BICD1: variants seen among roughly 807,000 people sequenced by gnomAD.
BICD1 encodes the protein protein bicaudal D homolog 1.
BICD1 carries 35 observed loss-of-function variants against 92.5 expected under a neutral mutation model. That is an observed-to-expected ratio of 0.38 (90% CI 0.29 to 0.50). The LOEUF (loss-of-function observed/expected upper bound fraction) is 0.50, where lower values mean the gene tolerates loss of function less well. Among genes scored for constraint, BICD1 ranks in the 20% least tolerant of loss-of-function variants. The pLI is 0.93. For synonymous variants in BICD1, 429 were observed against 465.1 expected (o/e 0.92, Z 1.00); for missense variants, 950 against 1,189.8 (o/e 0.80, Z 2.97).
intron 4 of BICD1, among the ~76,000 whole-genome samples, chr12:32,321,097 G>A (rs1355485621): frequency 6.6e-6 from 1 of 152,126 alleles, no homozygotes; most frequent in African/African-American, 2.4e-5. Flanking sequence ...AGGCCAAGGT[G>A]GGCAGATCAC....
At chr12:32,157,196 T>A (rs1352446304) in intron 1 of BICD1, among the ~76,000 whole-genome samples, 1 of 151,158 alleles carries the variant, frequency 6.6e-6, no homozygotes, top group Non-Finnish European at 1.5e-5. Flanking sequence ...ATTACTCTTG[T>A]CTATTATAAT....
chr12:32,279,982 C>A (rs1296418646), intron 2 of BICD1, among the ~76,000 whole-genome samples: 1 of 152,152 alleles, frequency 6.6e-6, no homozygotes, highest in African/African-American at 2.4e-5. Context: ...CCTGTAATCC[C>A]AGCTACTTGG....
intron 1 of BICD1, among the ~76,000 whole-genome samples, chr12:32,179,320 C>G (rs377675492): frequency 6.6e-6 from 1 of 151,800 alleles, no homozygotes; most frequent in East Asian, 1.9e-4. Flanking sequence ...GAAATAATTC[C>G]AAGAATATAC....
At chr12:32,232,968 T>C (rs1227235292) in intron 2 of BICD1, among the ~76,000 whole-genome samples, 1 of 152,028 alleles carries the variant, frequency 6.6e-6, no homozygotes, top group East Asian at 1.9e-4. Flanking sequence ...CAGCGCCAAA[T>C]GGAAAATTAA....
At position 32,328,584 on chromosome 12, in the gene BICD1, C is replaced by G; in HGVS notation, c.2100+29C>G. The G allele has an allele frequency of 6.3e-7, 1 of 1,577,280 alleles. No individual in the cohort carries two copies. ...ATCTCATTCTACTGGTGAAAGCATG[C>G]CAGTCAAAGCTTTCTTAACTAATTT... On this transcript the variant is annotated intron_variant, in intron 5 of 9. Coordinates refer to ENST00000652176, the MANE Select transcript of BICD1 (RefSeq NM_001714.4). This position sits in a 1 kb window ranked among gnomAD's most constrained non-coding sequence, Gnocchi z 4.4.
At chr12:32,334,754 G>A (rs1938030816) in intron 6 of BICD1, 87 bp downstream of exon 6, 3 of 1,443,570 alleles carry the variant, frequency 2.1e-6, no homozygotes, top group East Asian at 2.3e-5. Flanking sequence ...CATGTTGAGT[G>A]TATTCGGTGA....
chr12:32,198,323 C>CATATATATATATGTATATATAT (rs765984931), intron 1 of BICD1, among the ~76,000 whole-genome samples: 2 of 87,920 alleles, frequency 2.3e-5, no homozygotes, highest in African/African-American at 8.0e-5. Context: ...GAATAATATG[C>CATATATATATATGTATATATAT]ATCTATCTAT....
intron 8 of BICD1, among the ~76,000 whole-genome samples, chr12:32,344,964 C>T (rs1350727921): frequency 1.3e-4 from 20 of 152,224 alleles, no homozygotes; most frequent in Admixed American, 9.8e-4. Context: ...TTCTTGATGT[C>T]AGAACATGTT....
At chr12:32,292,790 CTAAT>C (rs58989281) in intron 2 of BICD1, among the ~76,000 whole-genome samples, 2,380 of 152,220 alleles carry the variant, frequency 0.016, 39 homozygotes, top group African/African-American at 0.042. Flanking sequence ...GGAAACAAAT[CTAAT>C]TAATCCTTAA....
At position 32,258,837 on chromosome 12, in the gene BICD1, G is replaced by A. The variant is rs148151403; in HGVS notation, c.427-35157G>A. Among the ~76,000 whole-genome samples, 370 of 152,276 alleles carry A rather than the reference G, an allele frequency of 2.4e-3. 2 individuals are homozygous for A. Among genetic ancestry groups the A allele is most frequent in the African/African-American group, 7.9e-3 (328 of 41,558 alleles). ...AACTTCAAAGAGGAACCAGGAGTAC[G>A]GGAGGAACATGAAAGTGGACAAGGA... On this transcript the variant is annotated intron_variant, in intron 2 of 9. Transcript: ENST00000652176.
intron 2 of BICD1, among the ~76,000 whole-genome samples, chr12:32,218,475 C>T (rs968947491): frequency 1.3e-5 from 2 of 152,170 alleles, no homozygotes; most frequent in Non-Finnish European, 1.5e-5. Flanking sequence ...CTGGAAACCA[C>T]ATATTAAGAA....
chr12:32,375,662 AC>A (rs1469538508), intron 9 of BICD1, among the ~76,000 whole-genome samples: 3 of 152,236 alleles, frequency 2.0e-5, no homozygotes, highest in African/African-American at 7.2e-5. Flanking sequence ...CTTAACCAGT[AC>A]AGAACAGCAA....
intron 1 of BICD1, chr12:32,108,032 T>C: frequency 6.3e-6 from 2 of 317,598 alleles, no homozygotes; most frequent in South Asian, 3.6e-5. Flanking sequence ...TCCTCACCAA[T>C]CCCATTTGAC....
At chr12:32,135,092 ATT>A (rs35641098) in intron 1 of BICD1, among the ~76,000 whole-genome samples, 48 of 129,388 alleles carry the variant, frequency 3.7e-4, no homozygotes, top group Admixed American at 3.9e-4. Flanking sequence ...CCCCTCCTTT[ATT>A]TTTTTTTTTT....
rs1189907745 is a variant in BICD1 at position 32,362,098 on chromosome 12, G to A, written c.2765-5572G>A. On this transcript the variant is annotated intron_variant, in intron 8 of 9. Transcript: ENST00000652176. ...AGTTTGGCTGGGCGCAGTGGCTCAC[G>A]CCTATAATCCCAGCACTTTGGGAGG... Among the ~76,000 whole-genome samples, 4 of 152,210 alleles carry A rather than the reference G, an allele frequency of 2.6e-5. No homozygotes were observed. In the East Asian group the frequency reaches 5.8e-4, roughly 22 times the overall value.
At chr12:32,192,387 T>A (rs1456958483) in intron 1 of BICD1, among the ~76,000 whole-genome samples, 1 of 152,082 alleles carries the variant, frequency 6.6e-6, no homozygotes, top group Non-Finnish European at 1.5e-5. Flanking sequence ...TGAGCTAAGA[T>A]CGTGCCATTG....
chr12:32,242,748 G>A (rs893791006), intron 2 of BICD1, among the ~76,000 whole-genome samples: 1 of 152,114 alleles, frequency 6.6e-6, no homozygotes, highest in African/African-American at 2.4e-5. Flanking sequence ...TAGTGTTCCT[G>A]TTTTTAAATC....
At chr12:32,123,104 A>G (rs1418662987) in intron 1 of BICD1, among the ~76,000 whole-genome samples, 1 of 152,192 alleles carries the variant, frequency 6.6e-6, no homozygotes, top group East Asian at 1.9e-4. Flanking sequence ...AGATCATCCA[A>G]AATGCTATGG....
Position 32,216,238 on chromosome 12 carries a change from A to G in BICD1, c.214-9A>G. ...TTGTGTACTCTTTTTCTTCCCATAT[A>G]CTCTGCAGGCATTTGGGCAGTCCTT... is the stretch of plus-strand genomic sequence containing the variant. On this transcript the variant is annotated splice_polypyrimidine_tract_variant and intron_variant, in intron 1 of 9. Coordinates refer to ENST00000652176, the MANE Select transcript of BICD1 (RefSeq NM_001714.4). 1 of 1,612,114 alleles carries G rather than the reference A, an allele frequency of 6.2e-7. No homozygotes were observed. The highest frequency in any genetic ancestry group is 8.5e-7 in the Non-Finnish European group (1 of 1,179,324).
Sources: gnomAD v4.1 joint callset for allele counts (sites outside exome capture counted in the v4.1 genomes callset) on GRCh38, gnomAD v4.1.1 for gene constraint, Gnocchi (gnomAD v3.1) non-coding constraint, MANE v1.5 for transcripts, NCBI Gene and HGNC (gene_info 2026-07-23, HGNC 2026-07-21) for gene names.